The following APAF1 variants were observed in gnomAD, a reference collection of about 807,000 sequenced individuals.
APAF1 encodes apoptotic protease-activating factor 1.
A neutral mutation model predicts 152.4 loss-of-function variants in APAF1; 91 were observed. The observed-to-expected ratio is 0.60, with a 90% CI of 0.50 to 0.71. APAF1 has a LOEUF of 0.71. Among genes scored for constraint, APAF1 ranks in the 30% least tolerant of loss-of-function variants. The pLI, the probability that APAF1 is intolerant of heterozygous loss-of-function variation, is 0.00. For synonymous variants in APAF1, 484 were observed against 494.1 expected (o/e 0.98, Z 0.27); for missense variants, 1,283 against 1,472.0 (o/e 0.87, Z 2.10).
intron 7 of APAF1, 104 bp downstream of exon 7, chr12:98,662,910 A>C (rs2097667366): frequency 9.0e-7 from 1 of 1,109,624 alleles, no homozygotes; most frequent in Non-Finnish European, 1.3e-6. Context: ...GAACATCCAA[A>C]AACTTTTCTG....
rs148491682 is a variant in APAF1 at position 98,712,146 on chromosome 12, T to C, written c.2842-173T>C. Among the ~76,000 whole-genome samples the C allele has an allele frequency of 3.8e-3, 579 of 152,346 alleles. 5 individuals carry two copies. The highest frequency in any genetic ancestry group is 0.013 in the African/African-American group (549 of 41,586). Reference sequence around the variant, plus strand: ...CCACCAAAGTGGATTGAAATGAAAGTGTGAAGTGCTAAATGCAGCTGCTAA... The same window carrying C: ...CCACCAAAGTGGATTGAAATGAAAGCGTGAAGTGCTAAATGCAGCTGCTAA... On this transcript the variant is annotated intron_variant, in intron 20 of 26. Coordinates refer to ENST00000551964, the MANE Select transcript of APAF1 (RefSeq NM_181861.2).
At chr12:98,661,855 C>T (rs1414014212) in intron 5 of APAF1, among the ~76,000 whole-genome samples, 2 of 151,836 alleles carry the variant, frequency 1.3e-5, no homozygotes, top group South Asian at 2.1e-4. Context: ...TTCCCCTCAT[C>T]TGTTCTAGTG....
chr12:98,659,205 A>G lies in APAF1; in HGVS notation c.572A>G (p.Asp191Gly). 2 of 1,614,226 alleles carry G rather than the reference A, an allele frequency of 1.2e-6. No homozygotes were observed. The highest frequency in any genetic ancestry group is 1.7e-6 in the Non-Finnish European group (2 of 1,180,038). The part of the protein sequence containing the change: ...GVHWVSVGKQ[D>G]KSGLLMKLQN... ...CATTGGGTTTCAGTTGGGAAACAAG[A>G]CAAATCTGGGCTTCTGATGAAACTG... The change falls in exon 5 of 27, where the codon GAC becomes GGC. Residue 191 changes from aspartate (D) to glycine (G), a missense_variant. Asp to Gly is a moderately conservative substitution (Grantham distance 94, BLOSUM62 -1). Coordinates refer to ENST00000551964, the MANE Select transcript of APAF1 (RefSeq NM_181861.2).
chr12:98,689,977 G>C (rs1397707670), intron 16 of APAF1, among the ~76,000 whole-genome samples: 2 of 152,010 alleles, frequency 1.3e-5, no homozygotes, highest in Non-Finnish European at 2.9e-5. Flanking sequence ...TCTTTTTGTT[G>C]TATTATACCT....
At chr12:98,713,144 A>C (rs561169808) in intron 21 of APAF1, among the ~76,000 whole-genome samples, 102 of 152,314 alleles carry the variant, frequency 6.7e-4, no homozygotes, top group Admixed American at 1.3e-4. Flanking sequence ...TACTAAATAA[A>C]TCTTTCTGTG....
intron 16 of APAF1, among the ~76,000 whole-genome samples, chr12:98,690,348 A>C (rs909805596): frequency 6.6e-6 from 1 of 152,162 alleles, no homozygotes; most frequent in African/African-American, 2.4e-5. Context: ...TTTGGCCTCT[A>C]TGCTATATCT....
At chr12:98,652,615 CTTTTA>C (rs975016940) in intron 4 of APAF1, among the ~76,000 whole-genome samples, 3 of 151,318 alleles carry the variant, frequency 2.0e-5, no homozygotes, top group Non-Finnish European at 2.9e-5. Context: ...TGGTTTTAGA[CTTTTA>C]TTTTATTTTA....
At chr12:98,668,557 G>A (rs1395697839) in intron 10 of APAF1, among the ~76,000 whole-genome samples, 2 of 151,592 alleles carry the variant, frequency 1.3e-5, no homozygotes, top group African/African-American at 4.9e-5. Context: ...CTCAGAAGAA[G>A]GACAGAGCAT....
chr12:98,661,193 G>A (rs1371629394), intron 5 of APAF1, among the ~76,000 whole-genome samples: 8 of 151,926 alleles, frequency 5.3e-5, no homozygotes, highest in African/African-American at 1.5e-4. Flanking sequence ...GAGCCACTGC[G>A]CTCGGCCCCT....
intron 4 of APAF1, 21 bp downstream of exon 4, chr12:98,649,705 C>A: frequency 6.2e-7 from 1 of 1,603,026 alleles, no homozygotes; most frequent in African/African-American, 1.3e-5. Flanking sequence ...TAGTCCATTT[C>A]ATAGTCTAGT....
intron 15 of APAF1, among the ~76,000 whole-genome samples, chr12:98,683,568 T>C (rs754640492): frequency 6.6e-6 from 1 of 152,214 alleles, no homozygotes; most frequent in Non-Finnish European, 1.5e-5. Flanking sequence ...TCTGTGTTGG[T>C]TCAGGCATGC....
chr12:98,731,376 T>C (rs1324875879), intron 26 of APAF1, among the ~76,000 whole-genome samples: 1 of 152,182 alleles, frequency 6.6e-6, no homozygotes. Context: ...ATTTTTCGGG[T>C]AGTTGAACTA....
chr12:98,655,242 C>CA (rs1265825611), intron 4 of APAF1, among the ~76,000 whole-genome samples: 4 of 147,590 alleles, frequency 2.7e-5, no homozygotes, highest in Non-Finnish European at 6.0e-5. Flanking sequence ...TCTACACAGA[C>CA]ACGGCAACCA....
chr12:98,715,336 T>C, intron 21 of APAF1, 91 bp from the exon 22 acceptor site: 1 of 1,217,118 alleles, frequency 8.2e-7, no homozygotes. Flanking sequence ...TTCTGTACCC[T>C]CCAGTCTAAT....
At chr12:98,651,140 C>A (rs1361829062) in intron 4 of APAF1, among the ~76,000 whole-genome samples, 1 of 152,100 alleles carries the variant, frequency 6.6e-6, no homozygotes, top group African/African-American at 2.4e-5. Context: ...ATTCATATTC[C>A]TCGTACTTTT....
intron 16 of APAF1, among the ~76,000 whole-genome samples, chr12:98,687,131 G>A (rs917134307): frequency 6.6e-6 from 1 of 152,168 alleles, no homozygotes; most frequent in Non-Finnish European, 1.5e-5. Context: ...TTGGGAGGCC[G>A]AGGTGGGTGG....
chr12:98,719,500 C>G (rs2097739270), intron 22 of APAF1, among the ~76,000 whole-genome samples: 1 of 151,868 alleles, frequency 6.6e-6, no homozygotes, highest in Non-Finnish European at 1.5e-5. Flanking sequence ...CAGGCCCGTG[C>G]CACCATTTCC....
Position 98,734,647 on chromosome 12 carries a change from A to G in APAF1, c.*2081A>G, listed in dbSNP as rs776516384. On this transcript the variant is annotated 3_prime_UTR_variant, in exon 27 of 27. Transcript: ENST00000551964. ...TGATGGAATCATAAATACAGTGAAT[A>G]CAATCCTTTGCATTGTTAAGGAGGT... The G allele has an allele frequency of 6.5e-6, 1 of 152,696 alleles. No homozygotes were observed. Among genetic ancestry groups the G allele is most frequent in the Non-Finnish European group, 1.5e-5 (1 of 68,060 alleles). The allele number at this position is 152,696 out of a possible 1,614,324, so 9.5% of individuals were successfully genotyped here. A position where few individuals can be genotyped will look rare whatever the true frequency, so the allele number is the denominator to read the frequency against.
chr12:98,667,765 ATT>A (rs71305589), intron 10 of APAF1, 121 bp downstream of exon 10: 16,047 of 297,438 alleles, frequency 0.054, no homozygotes, highest in East Asian at 0.066. Flanking sequence ...TTTCCATTTG[ATT>A]TTTTTTTTTT....
Sources: gnomAD v4.1 joint callset for allele counts (sites outside exome capture counted in the v4.1 genomes callset) on GRCh38, gnomAD v4.1.1 for gene constraint, MANE v1.5 for transcripts, NCBI Gene and HGNC (gene_info 2026-07-23, HGNC 2026-07-21) for gene names.